The following SIPA1L3 variants were observed in gnomAD, a reference collection of about 807,000 sequenced individuals.
The protein encoded by SIPA1L3 is signal induced proliferation associated 1 like 3.
In SIPA1L3, 59 loss-of-function variants were observed where a neutral mutation model predicts 150.1. That is an observed-to-expected ratio of 0.39 (90% CI 0.32 to 0.49). The LOEUF (loss-of-function observed/expected upper bound fraction) is 0.49, where lower values mean the gene tolerates loss of function less well. SIPA1L3 is among the 20% of genes least tolerant of loss of function. The pLI is 0.86. For synonymous variants in SIPA1L3, 1,070 were observed against 1,077.6 expected, an observed-to-expected ratio of 0.99 and a Z score of 0.14; for missense variants, 2,211 against 2,489.5, an observed-to-expected ratio of 0.89 and a Z score of 2.38.
chr19:38,053,841 C>T (rs149969304), intron 2 of SIPA1L3, among the ~76,000 whole-genome samples: 360 of 151,350 alleles, frequency 2.4e-3, no homozygotes, highest in African/African-American at 8.4e-3. Flanking sequence ...GCTGGGATTA[C>T]AGGCGTGAGC....
rs1341176596 is a variant in SIPA1L3 at position 38,206,383 on chromosome 19, C to T, written c.*143C>T. 2 of 996,060 alleles carry T rather than the reference C, an allele frequency of 2.0e-6. No homozygotes were observed. The highest frequency in any genetic ancestry group is 2.9e-6 in the Non-Finnish European group (2 of 691,054). The allele number at this position is 996,060 out of a possible 1,614,324, so 61.7% of individuals were successfully genotyped here. A position where few individuals can be genotyped will look rare whatever the true frequency, so the allele number is the denominator to read the frequency against. On this transcript the variant is annotated 3_prime_UTR_variant, in exon 22 of 22. Transcript: ENST00000222345. ...CCCATGGACACGGAAACTCCGATGG[C>T]CTCACTAGGGCTGTGAGTCAGGGTC...
Position 38,130,549 on chromosome 19 carries a change from C to T in SIPA1L3, c.2920C>T (p.Leu974Phe). The T allele has an allele frequency of 1.9e-6, 3 of 1,613,698 alleles. No individual in the cohort carries two copies. The highest frequency in any genetic ancestry group is 1.3e-5 in the African/African-American group (1 of 75,056). The change falls in exon 10 of 22, where the codon CTC becomes TTC. Residue 974 changes from leucine (L) to phenylalanine (F), a missense_variant. By Grantham distance (22) the Leu-to-Phe change is conservative. Transcript: ENST00000222345. ...GGACATGACGCTTCGGCGGAACGGG[C>T]TCGGGCAGCTGGGCTTCCACGTGAA... ...TVDMTLRRNG[L>F]GQLGFHVKYD...
chr19:38,145,890 T>C (rs1306429058), intron 12 of SIPA1L3, among the ~76,000 whole-genome samples: 4 of 151,808 alleles, frequency 2.6e-5, no homozygotes, highest in African/African-American at 9.7e-5. Context: ...AGACAAAGTC[T>C]CACTCTGTCA....
intron 12 of SIPA1L3, among the ~76,000 whole-genome samples, chr19:38,152,437 C>T (rs1177368245): frequency 6.6e-6 from 1 of 152,220 alleles, no homozygotes; most frequent in African/African-American, 2.4e-5. Context: ...TCCCAACCTG[C>T]TGTCTCCATC....
intron 18 of SIPA1L3, among the ~76,000 whole-genome samples, chr19:38,196,816 G>T (rs755310142): frequency 1.3e-5 from 2 of 152,134 alleles, no homozygotes; most frequent in African/African-American, 4.8e-5. Context: ...CCAAGGACTC[G>T]TTCATTCAGC....
rs1972749800 is a variant in SIPA1L3, at chr19:38,188,983, CA to C, written c.4431-3158del. Among the ~76,000 whole-genome samples, 5 of 151,994 alleles carry C rather than the reference CA, an allele frequency of 3.3e-5. No homozygotes were observed. The South Asian group carries it at 1.0e-3, about 32-fold the overall frequency. On this transcript the variant is annotated intron_variant, in intron 16 of 21. Coordinates refer to ENST00000222345, the MANE Select transcript of SIPA1L3 (RefSeq NM_015073.3). ...GCCCTCAGCCATCCTGCTCCCTCCC[CA>C]AAAGCAGCCATTGTTTCATTTCTGC... is the stretch of plus-strand genomic sequence containing the variant.
intron 1 of SIPA1L3, among the ~76,000 whole-genome samples, chr19:37,955,737 T>C (rs2046804929): frequency 6.6e-6 from 1 of 152,252 alleles, no homozygotes; most frequent in Non-Finnish European, 1.5e-5. Context: ...AATAATATTC[T>C]ATTGTATGGG....
chr19:38,201,466 C>A (rs1973085630), intron 19 of SIPA1L3, among the ~76,000 whole-genome samples: 1 of 152,232 alleles, frequency 6.6e-6, no homozygotes, highest in Non-Finnish European at 1.5e-5. Context: ...TCCCCGTGGA[C>A]CTGGCGCCAG....
intron 3 of SIPA1L3, 110 bp from the exon 4 acceptor site, chr19:38,088,611 C>G: frequency 1.5e-6 from 2 of 1,365,516 alleles, no homozygotes; most frequent in Non-Finnish European, 2.0e-6. Flanking sequence ...ACCAGCATCC[C>G]ACAGATTGCA....
chr19:38,153,917 GAGCAAGACTCTGTCTCAGAAAAA>G (rs1568579593), intron 13 of SIPA1L3, among the ~76,000 whole-genome samples: 1 of 151,996 alleles, frequency 6.6e-6, no homozygotes, highest in Non-Finnish European at 1.5e-5. Context: ...CTGAGCGACA[GAGCAAGACTCTGTCTCAGAAAAA>G]AAAAGAAAAG....
chr19:37,961,041 G>A (rs555668551), intron 1 of SIPA1L3, among the ~76,000 whole-genome samples: 1 of 151,618 alleles, frequency 6.6e-6, no homozygotes, highest in African/African-American at 2.4e-5. Context: ...GCTAATTTTT[G>A]TATTTTTAGT....
intron 1 of SIPA1L3, among the ~76,000 whole-genome samples, chr19:37,977,769 T>C (rs950792395): frequency 6.6e-5 from 10 of 152,214 alleles, no homozygotes; most frequent in African/African-American, 1.7e-4. Context: ...CCATGGCCTC[T>C]GCTGAGCACA....
intron 4 of SIPA1L3, among the ~76,000 whole-genome samples, chr19:38,089,058 C>T (rs1396592430): frequency 6.6e-6 from 1 of 152,076 alleles, no homozygotes; most frequent in African/African-American, 2.4e-5. Flanking sequence ...TGGTGGCTCA[C>T]GCCTGTAATC....
At chr19:38,055,980 C>T (rs1969305187) in intron 2 of SIPA1L3, among the ~76,000 whole-genome samples, 1 of 152,234 alleles carries the variant, frequency 6.6e-6, no homozygotes, top group Non-Finnish European at 1.5e-5. Flanking sequence ...CCCAAACATA[C>T]TGCCCTGAGA....
At chr19:37,958,995 A>G (rs2046834502) in intron 1 of SIPA1L3, among the ~76,000 whole-genome samples, 1 of 152,254 alleles carries the variant, frequency 6.6e-6, no homozygotes, top group African/African-American at 2.4e-5. Context: ...CACACCAACT[A>G]GGATGGCTAG....
intron 9 of SIPA1L3, 98 bp downstream of exon 9, chr19:38,119,980 A>G (rs1453780658): frequency 3.8e-6 from 3 of 782,776 alleles, no homozygotes; most frequent in Non-Finnish European, 6.0e-6. Flanking sequence ...AGGCTAAGAC[A>G]CGCACTGGCC....
intron 1 of SIPA1L3, among the ~76,000 whole-genome samples, chr19:38,002,689 A>T (rs978471145): frequency 3.8e-5 from 5 of 130,806 alleles, no homozygotes; most frequent in African/African-American, 1.5e-4. Context: ...ACTGCACTCC[A>T]GCCTGGTGAC....
chr19:38,162,230 G>A, intron 13 of SIPA1L3, 23 bp from the exon 14 acceptor site: 11 of 1,593,920 alleles, frequency 6.9e-6, no homozygotes, highest in Non-Finnish European at 9.5e-6. Flanking sequence ...CTAACCACTG[G>A]TGTGTCTCCT....
chr19:38,163,489 CAAA>C (rs34366358), intron 14 of SIPA1L3, among the ~76,000 whole-genome samples: 2 of 51,316 alleles, frequency 3.9e-5, no homozygotes, highest in Non-Finnish European at 3.8e-5. Context: ...GACTCTATCT[CAAA>C]AAAAAAAAAA....
Sources: allele counts gnomAD v4.1 joint callset (sites outside exome capture counted in the v4.1 genomes callset), GRCh38; gene constraint gnomAD v4.1.1; transcripts MANE v1.5; gene names NCBI Gene and HGNC (gene_info 2026-07-23, HGNC 2026-07-21).